Variants in FAAH2 observed in about 807,000 individuals in gnomAD.
FAAH2 encodes fatty-acid amide hydrolase 2.
A neutral mutation model predicts 36.9 loss-of-function variants in FAAH2; 60 were observed. The ratio of observed to expected loss-of-function variants is 1.63; its 90% CI spans 1.32 to 2.02. FAAH2 has a LOEUF of 2.02. Ranked by LOEUF, FAAH2 falls within the 30% of genes most tolerant of loss-of-function variation. The pLI is 0.00. For synonymous variants in FAAH2, 214 were observed against 143.8 expected (o/e 1.49, Z -3.49); for missense variants, 689 against 397.5 (o/e 1.73, Z -6.23).
At chrX:57,472,263 C>A (rs778944031) in intron 10 of FAAH2, among the ~76,000 whole-genome samples, 2 of 111,781 alleles carry the variant, frequency 1.8e-5, no homozygotes, top group Non-Finnish European at 3.8e-5. Context: ...TATACTAAGG[C>A]GCTTCTGCAC....
chrX:57,318,369 C>T (rs1273742546), intron 3 of FAAH2, among the ~76,000 whole-genome samples: 1 of 111,975 alleles, frequency 8.9e-6, no homozygotes, highest in Non-Finnish European at 1.9e-5. Context: ...AAACTACCAT[C>T]AGAGAATACT....
At chrX:57,319,422 T>C (rs1367797054) in intron 3 of FAAH2, among the ~76,000 whole-genome samples, 1 of 111,644 alleles carries the variant, frequency 9.0e-6, no homozygotes, top group South Asian at 3.7e-4. Context: ...CCATTCACAA[T>C]TGCTACAAAG....
intron 2 of FAAH2, among the ~76,000 whole-genome samples, chrX:57,295,429 A>C (rs1478069014): frequency 8.9e-6 from 1 of 111,956 alleles, no homozygotes; most frequent in African/African-American, 3.2e-5. Flanking sequence ...TTATCAAAGG[A>C]AAGTTTAGTT....
the FAAH2 span, among the ~76,000 whole-genome samples, chrX:57,190,560 G>A: frequency 3.6e-5 from 4 of 110,692 alleles, no homozygotes; most frequent in Non-Finnish European, 7.6e-5. Context: ...GAATCTCTTG[G>A]TCTGTGGATT....
At chrX:57,220,828 G>C in the FAAH2 span, among the ~76,000 whole-genome samples, 1 of 111,605 alleles carries the variant, frequency 9.0e-6, no homozygotes, top group African/African-American at 3.3e-5. Flanking sequence ...ACTGTAAGCA[G>C]CTCCCACAAG....
At chrX:57,192,670 G>A in the FAAH2 span, among the ~76,000 whole-genome samples, 1 of 111,788 alleles carries the variant, frequency 8.9e-6, no homozygotes, top group South Asian at 3.7e-4. Context: ...CAGGAAGTCA[G>A]GGACCCCAAA....
the FAAH2 span, among the ~76,000 whole-genome samples, chrX:57,227,270 G>A: frequency 9.0e-6 from 1 of 110,843 alleles, no homozygotes. Context: ...CTTCTCATTT[G>A]GGTAGACTCT....
chrX:57,334,783 T>C (rs760889325), intron 4 of FAAH2, among the ~76,000 whole-genome samples: 1 of 111,353 alleles, frequency 9.0e-6, no homozygotes, highest in African/African-American at 3.3e-5. Context: ...TCTAAATGTA[T>C]ATTGCAAACT....
chrX:57,430,664 A>G (rs763560923), intron 7 of FAAH2, among the ~76,000 whole-genome samples: 10 of 112,102 alleles, frequency 8.9e-5, no homozygotes, highest in South Asian at 3.7e-4. Flanking sequence ...GATTATTCTG[A>G]TTGCTGCTTT....
intron 10 of FAAH2, among the ~76,000 whole-genome samples, chrX:57,454,704 T>C (rs2147198125): frequency 9.0e-6 from 1 of 111,440 alleles, no homozygotes; most frequent in Non-Finnish European, 1.9e-5. Flanking sequence ...AGAAAGAATC[T>C]CTGAGCTGGA....
chrX:57,467,122 G>C (rs1429491589), intron 10 of FAAH2, among the ~76,000 whole-genome samples: 1 of 111,057 alleles, frequency 9.0e-6, no homozygotes, highest in Non-Finnish European at 1.9e-5. Context: ...GTTGATTTGG[G>C]TTCCAAGATG....
chrX:57,487,926 G>C (rs899911580), intron 10 of FAAH2, among the ~76,000 whole-genome samples: 3 of 111,208 alleles, frequency 2.7e-5, no homozygotes, highest in African/African-American at 9.8e-5. Flanking sequence ...ATCAAAATTT[G>C]GTATATTTAT....
At chrX:57,402,021 C>G (rs1199801768) in intron 7 of FAAH2, among the ~76,000 whole-genome samples, 1 of 111,156 alleles carries the variant, frequency 9.0e-6, no homozygotes, top group African/African-American at 3.3e-5. Context: ...GGACAGTTGT[C>G]CGGGACAGGA....
intron 3 of FAAH2, among the ~76,000 whole-genome samples, chrX:57,320,251 C>A (rs4500204): frequency 1.8e-5 from 2 of 110,493 alleles, no homozygotes; most frequent in Non-Finnish European, 3.8e-5. Context: ...AATGGGAGAA[C>A]ATTTTTGTGA....
At chrX:57,482,084 C>T (rs1416853576) in intron 10 of FAAH2, among the ~76,000 whole-genome samples, 1 of 111,395 alleles carries the variant, frequency 9.0e-6, no homozygotes, top group Non-Finnish European at 1.9e-5. Context: ...GAATGCCCCT[C>T]CCCCCACCAA....
chrX:57,327,740 C>G (rs763164211), intron 3 of FAAH2, among the ~76,000 whole-genome samples: 1 of 111,376 alleles, frequency 9.0e-6, no homozygotes, highest in Non-Finnish European at 1.9e-5. Flanking sequence ...AGCCATTCAT[C>G]TAATCCTTTT....
At chrX:57,244,141 A>G in the FAAH2 span, among the ~76,000 whole-genome samples, 1 of 107,850 alleles carries the variant, frequency 9.3e-6, no homozygotes, top group Non-Finnish European at 1.9e-5. Flanking sequence ...AGAAGAAAGG[A>G]CATCGAGGTT....
chrX:57,411,791 T>A (rs1306471851), intron 7 of FAAH2, among the ~76,000 whole-genome samples: 1 of 111,883 alleles, frequency 8.9e-6, no homozygotes, highest in Non-Finnish European at 1.9e-5. Context: ...GTGATACAGT[T>A]AATGGGAAAC....
intron 8 of FAAH2, among the ~76,000 whole-genome samples, chrX:57,432,348 G>A (rs757363297): frequency 2.4e-4 from 27 of 111,033 alleles, no homozygotes; most frequent in Non-Finnish European, 1.1e-4. Flanking sequence ...ATTATGCCAG[G>A]CAGAGGGGAA....
Sources: gnomAD v4.1 joint callset for allele counts (sites outside exome capture counted in the v4.1 genomes callset) on GRCh38, gnomAD v4.1.1 for gene constraint, MANE v1.5 for transcripts, NCBI Gene and HGNC (gene_info 2026-07-23, HGNC 2026-07-21) for gene names.